Variants in TPPP observed in about 807,000 individuals in gnomAD.
TPPP encodes tubulin polymerization-promoting protein.
Under a neutral mutation model 15.5 loss-of-function variants are expected in TPPP, and 6 were observed. The ratio of observed to expected loss-of-function variants is 0.39; its 90% CI spans 0.21 to 0.77. TPPP has a LOEUF of 0.77. TPPP is among the 30% of genes least tolerant of loss of function. The probability of loss-of-function intolerance (pLI) is 0.42; values close to 1 mark genes in which losing one functional copy is unlikely to be tolerated. For synonymous variants in TPPP, 146 were observed against 133.9 expected, an observed-to-expected ratio of 1.09 and a Z score of -0.63; for missense variants, 269 against 307.2, an observed-to-expected ratio of 0.88 and a Z score of 0.93.
chr5:669,211 G>T (rs946608028), intron 2 of TPPP, among the ~76,000 whole-genome samples: 2 of 152,174 alleles, frequency 1.3e-5, no homozygotes, highest in African/African-American at 4.8e-5. Flanking sequence ...AGCCACGCAG[G>T]GCACATTCCA....
chr5:669,302 G>A (rs1407025311), intron 2 of TPPP, among the ~76,000 whole-genome samples: 1 of 151,950 alleles, frequency 6.6e-6, no homozygotes, highest in African/African-American at 2.4e-5. Context: ...GAGGTGCCCT[G>A]GGCAGCTCTG....
intron 1 of TPPP, among the ~76,000 whole-genome samples, chr5:681,039 A>G (rs1293255528): frequency 6.6e-5 from 10 of 152,140 alleles, no homozygotes; most frequent in Non-Finnish European, 7.4e-5. Context: ...AATACATTTA[A>G]TTTTGAGAGA....
At chr5:692,035 TATCAAAACAGCAGCCCC>T (rs1740892033) in intron 1 of TPPP, among the ~76,000 whole-genome samples, 1 of 16,318 alleles carries the variant, frequency 6.1e-5, no homozygotes, top group Non-Finnish European at 1.2e-4. Flanking sequence ...TCCCAACCCC[TATCAAAACAGCAGCCCC>T]CAACCCCCTA....
chr5:666,231 G>C, intron 2 of TPPP, 108 bp from the exon 3 acceptor site: 1 of 1,354,074 alleles, frequency 7.4e-7, no homozygotes, highest in Non-Finnish European at 1.0e-6. Context: ...CAGCCCACAG[G>C]CTTCACCCAC....
In TPPP at chr5:682,691, C is replaced by T. The variant is rs1421164212; in HGVS notation, c.-4-4627G>A. Among the ~76,000 whole-genome samples, 9 of 152,212 alleles carry T rather than the reference C, an allele frequency of 5.9e-5. No individual in the cohort carries two copies. In the South Asian group the frequency reaches 1.7e-3, roughly 28 times the overall value. On this transcript the variant is annotated intron_variant, in intron 1 of 3. Transcript: ENST00000360578. ...GGGCCTGGGGTCTCTCTCACTAGGG[C>T]CAGCTGCTGTTTTAAAGGTAGCAGC...
Position 662,721 on chromosome 5 carries a change from G to A in TPPP, c.*2381C>T. ...GGCCGAGGAGGGCAGGAGTCCGAGGGTGTAAGGGTGCCAGGGCCTTCCGGG... is the reference window on the plus strand; with the variant it reads ...GGCCGAGGAGGGCAGGAGTCCGAGGATGTAAGGGTGCCAGGGCCTTCCGGG... On this transcript the variant is annotated 3_prime_UTR_variant, in exon 4 of 4. Coordinates refer to ENST00000360578, the MANE Select transcript of TPPP (RefSeq NM_007030.3). 6.5e-6 allele frequency: 1 copy of A among 152,712 alleles called. No homozygotes were observed. The highest frequency in any genetic ancestry group is 1.9e-4 in the East Asian group (1 of 5,322). The allele number at this position is 152,712 out of a possible 1,614,324, so 9.5% of individuals were successfully genotyped here.
At chr5:681,061 T>A (rs1296080281) in intron 1 of TPPP, among the ~76,000 whole-genome samples, 2 of 152,132 alleles carry the variant, frequency 1.3e-5, no homozygotes, top group Non-Finnish European at 2.9e-5. Flanking sequence ...CATGGAGGTG[T>A]CAGACGGACA....
intron 1 of TPPP, among the ~76,000 whole-genome samples, chr5:685,209 C>T (rs899490116): frequency 1.4e-4 from 22 of 152,212 alleles, no homozygotes; most frequent in African/African-American, 4.3e-4. Context: ...AGGATGGGGT[C>T]TCCAGGCCTG....
upstream of TPPP, among the ~76,000 whole-genome samples, chr5:697,240 G>A (rs1486306220): frequency 2.0e-5 from 3 of 149,982 alleles, no homozygotes; most frequent in East Asian, 2.0e-4. Flanking sequence ...TGAGCCTTGC[G>A]GCTTCACTGT....
intron 2 of TPPP, among the ~76,000 whole-genome samples, chr5:672,962 T>G (rs1194302917): frequency 6.6e-6 from 1 of 152,232 alleles, no homozygotes; most frequent in Non-Finnish European, 1.5e-5. Flanking sequence ...TACCCCGAGC[T>G]GGCGCCACGC....
At chr5:683,649 T>G (rs1274128730) in intron 1 of TPPP, among the ~76,000 whole-genome samples, 8 of 152,220 alleles carry the variant, frequency 5.3e-5, no homozygotes, top group South Asian at 2.1e-4. Flanking sequence ...AACCCCTTCC[T>G]TCCATGCCCT....
intron 2 of TPPP, among the ~76,000 whole-genome samples, chr5:669,562 C>T (rs139593159): frequency 4.0e-4 from 61 of 152,154 alleles, no homozygotes; most frequent in Non-Finnish European, 6.5e-4. Context: ...GACATGCGGA[C>T]GCCAGGCCTG....
In TPPP at chr5:663,481, C is replaced by T. The variant is rs1739767209; in HGVS notation, c.*1621G>A. ...GGTCCTCCCCATCCTCAGGTGGAGG[C>T]TTCTCTGTTGAGGGGCCTCGGAGAC... On this transcript the variant is annotated 3_prime_UTR_variant, in exon 4 of 4. Transcript: ENST00000360578. 1.3e-5 allele frequency: 2 copies of T among 152,488 alleles called. No individual in the cohort carries two copies. Among genetic ancestry groups the T allele is most frequent in the Admixed American group, 6.5e-5 (1 of 15,290 alleles). The allele number at this position is 152,488 out of a possible 1,614,324, so 9.4% of individuals were successfully genotyped here.
upstream of TPPP, among the ~76,000 whole-genome samples, chr5:696,299 CG>C (rs1741010216): frequency 1.6e-5 from 2 of 124,480 alleles, no homozygotes; most frequent in African/African-American, 3.1e-5. Context: ...GCACGGGGAG[CG>C]GGGGGAGCAA....
intron 2 of TPPP, among the ~76,000 whole-genome samples, chr5:674,659 A>C (rs553219234): frequency 7.2e-5 from 11 of 152,048 alleles, no homozygotes; most frequent in Non-Finnish European, 1.6e-4. Context: ...AGGACCTGCC[A>C]GCAGCTGGCT....
intron 1 of TPPP, among the ~76,000 whole-genome samples, chr5:693,048 G>A (rs1740934618): frequency 6.7e-6 from 1 of 149,056 alleles, no homozygotes; most frequent in Admixed American, 6.7e-5. Context: ...CCCGCTCGCG[G>A]CCTTTGCAAA....
chr5:685,977 G>A (rs1214655097), intron 1 of TPPP, among the ~76,000 whole-genome samples: 4 of 152,172 alleles, frequency 2.6e-5, no homozygotes, highest in Admixed American at 6.5e-5. Flanking sequence ...CTTTGCCACC[G>A]AATGGCCACC....
intron 1 of TPPP, among the ~76,000 whole-genome samples, chr5:680,711 G>A (rs1436747130): frequency 8.6e-5 from 13 of 151,822 alleles, no homozygotes; most frequent in Admixed American, 2.0e-4. Flanking sequence ...CCGCCTCTGC[G>A]TGGGGTGTGT....
chr5:688,626 C>T (rs1183713723), intron 1 of TPPP, among the ~76,000 whole-genome samples: 1 of 150,884 alleles, frequency 6.6e-6, no homozygotes, highest in Non-Finnish European at 1.5e-5. Flanking sequence ...GGGGCCCTCC[C>T]AGCAGGCGGC....
Sources: gnomAD v4.1 joint callset for allele counts (sites outside exome capture counted in the v4.1 genomes callset) on GRCh38, gnomAD v4.1.1 for gene constraint, MANE v1.5 for transcripts, NCBI Gene and HGNC (gene_info 2026-07-23, HGNC 2026-07-21) for gene names.